CYB561D2: variants seen among roughly 807,000 people sequenced by gnomAD.
CYB561D2 encodes the protein transmembrane reductase CYB561D2.
A neutral mutation model predicts 20.2 loss-of-function variants in CYB561D2; 16 were observed. The observed-to-expected ratio is 0.79, with a 90% CI of 0.53 to 1.20. CYB561D2 has a LOEUF of 1.20. CYB561D2 is among the 50% of genes most tolerant of loss of function. CYB561D2 has a pLI of 0.00. For missense variants in CYB561D2, 247 were observed against 270.3 expected, an observed-to-expected ratio of 0.91 and a Z score of 0.60; for synonymous variants, 135 against 128.3, an observed-to-expected ratio of 1.05 and a Z score of -0.35.
intron 3 of CYB561D2, 106 bp downstream of exon 3, chr3:50,352,152 T>G: frequency 1.5e-6 from 2 of 1,356,324 alleles, no homozygotes; most frequent in East Asian, 2.4e-5. Flanking sequence ...TTTGGAAGAG[T>G]TGCATGCTCC....
In CYB561D2 at chr3:50,353,574, T is replaced by C; in HGVS notation, c.499T>C (p.Tyr167His). Residue 167 changes from tyrosine (Y) to histidine (H), a missense_variant, in exon 4 of 4, where the codon TAC becomes CAC. Coordinates refer to ENST00000425346, the MANE Select transcript of CYB561D2 (RefSeq NM_001291284.2). ...CCATGCTACTTCTGGGCTGGTGGGC[T>C]ACCTGCTGGGTAGTGCCAGCCTCTT... ...LYHATSGLVG[Y>H]LLGSASLLLG... 1 of 1,613,778 alleles carries C rather than the reference T, an allele frequency of 6.2e-7. No homozygotes were observed. Among genetic ancestry groups the C allele is most frequent in the East Asian group, 2.2e-5 (1 of 44,888 alleles).
At chr3:50,352,204 G>C (rs1703782863) in intron 3 of CYB561D2, among the ~76,000 whole-genome samples, 158 bp downstream of exon 3, 1 of 152,126 alleles carries the variant, frequency 6.6e-6, no homozygotes, top group Non-Finnish European at 1.5e-5. Flanking sequence ...CTTGAGGCTG[G>C]GCACGGTGGC....
chr3:50,352,183 T>G (rs587611006), intron 3 of CYB561D2, 137 bp downstream of exon 3: 1 of 1,095,334 alleles, frequency 9.1e-7, no homozygotes, highest in South Asian at 1.4e-5. Flanking sequence ...GCCCATGGTA[T>G]ATATTTCAGA....
chr3:50,353,247 T>C lies in CYB561D2; in HGVS notation c.172T>C (p.Phe58Leu). The C allele has an allele frequency of 1.9e-6, 3 of 1,559,658 alleles. No homozygotes were observed. Among genetic ancestry groups the C allele is most frequent in the South Asian group, 2.4e-5 (2 of 84,268 alleles). The change falls in exon 4 of 4, where the codon TTC (phenylalanine) becomes CTC (leucine). Residue 58 changes from phenylalanine (F) to leucine (L), a missense_variant. Physicochemically the swap from Phe to Leu is conservative, Grantham distance 22. Coordinates refer to ENST00000425346, the MANE Select transcript of CYB561D2 (RefSeq NM_001291284.2). ...CCATCCCCTGTTTCCTCAGTTCTCC[T>C]TCCTGATGACCGAGGCACTACTGGT... ...HPVLMSLAFS[F>L]LMTEALLVFS...
intron 3 of CYB561D2, among the ~76,000 whole-genome samples, chr3:50,352,298 G>A (rs1703785143): frequency 2.6e-5 from 4 of 151,890 alleles, no homozygotes. Context: ...GGCCAACATG[G>A]TGAAACCCCG....
Position 50,352,034 on chromosome 3 carries a change from T to A in CYB561D2, c.153T>A (p.Leu51=). 1.2e-6 allele frequency: 2 copies of A among 1,613,944 alleles called. No homozygotes were observed. Among genetic ancestry groups the A allele is most frequent in the Non-Finnish European group, 1.7e-6 (2 of 1,179,952 alleles). The part of the protein sequence containing the change: ...GSSLFSWHPV[L]MSLAFSFLMT... The stretch of plus-strand genomic sequence containing the variant: ...GCCTGTTCTCCTGGCACCCGGTGCT[T>A]ATGTCTTTGGCTGTAAGTAGTGGGC... The change falls in exon 3 of 4, where the codon CTT becomes CTA. Residue 51 remains leucine, a synonymous_variant. Coordinates refer to ENST00000425346, the MANE Select transcript of CYB561D2 (RefSeq NM_001291284.2).
At position 50,351,555 on chromosome 3, in the gene CYB561D2, G is replaced by T. The variant is rs1021848644; in HGVS notation, c.122G>T (p.Gly41Val). 2 of 1,612,482 alleles carry T rather than the reference G, an allele frequency of 1.2e-6. No individual in the cohort carries two copies. Among genetic ancestry groups the T allele is most frequent in the African/African-American group, 2.7e-5 (2 of 74,880 alleles). ...TTTGTGGCTGTGCTTGCCAGGCCTGGCTCCAGTAAGTAGAATTCATAGCTG... is the reference window on the plus strand; with the variant it reads ...TTTGTGGCTGTGCTTGCCAGGCCTGTCTCCAGTAAGTAGAATTCATAGCTG... ...TIFVAVLARP[G>V]SSLFSWHPVL... Residue 41 changes from glycine to valine, a missense_variant, in exon 2 of 4, where the codon GGC becomes GTC. Coordinates refer to ENST00000425346, the MANE Select transcript of CYB561D2 (RefSeq NM_001291284.2).
At chr3:50,351,886 G>A in intron 2 of CYB561D2, 123 bp from the exon 3 acceptor site, 12 of 1,180,978 alleles carry the variant, frequency 1.0e-5, no homozygotes, top group Middle Eastern at 4.6e-4. Flanking sequence ...AGAGCAAGAA[G>A]GGGCTCACAG....
chr3:50,352,072 T>C (rs1194972090), intron 3 of CYB561D2, 26 bp downstream of exon 3: 1 of 1,613,446 alleles, frequency 6.2e-7, no homozygotes, highest in South Asian at 1.1e-5. Context: ...GGGCAGTTCT[T>C]AGGGGTGGGA....
Position 50,353,326 on chromosome 3 carries a change from G to A in CYB561D2, c.251G>A (p.Arg84His), listed in dbSNP as rs779823879. 17 of 1,610,560 alleles carry A rather than the reference G, an allele frequency of 1.1e-5. No individual in the cohort carries two copies. The highest frequency in any genetic ancestry group is 7.7e-5 in the South Asian group (7 of 91,012). The change falls in exon 4 of 4, where the codon CGC (arginine) becomes CAC (histidine). Residue 84 changes from arginine to histidine, a missense_variant. Physicochemically the swap from Arg to His is conservative, Grantham distance 29. Coordinates refer to ENST00000425346, the MANE Select transcript of CYB561D2 (RefSeq NM_001291284.2). ...LHSLSRKGRA[R>H]CHWVLQLLAL... ...TCCCTCTCACGGAAAGGCCGAGCAC[G>A]CTGCCACTGGGTGCTGCAGCTGCTG...
intron 3 of CYB561D2, among the ~76,000 whole-genome samples, chr3:50,352,510 C>T (rs935630459): frequency 7.3e-6 from 1 of 137,866 alleles, no homozygotes; most frequent in African/African-American, 2.7e-5. Flanking sequence ...AACCCAAAAA[C>T]AAAAAAACCC....
chr3:50,353,858 T>G lies in CYB561D2; in HGVS notation c.*114T>G, dbSNP rs1575567894. 35 of 1,309,446 alleles carry G rather than the reference T, an allele frequency of 2.7e-5. 2 individuals carry two copies. In the South Asian group the frequency reaches 5.2e-4, roughly 19 times the overall value. 81.1% of individuals were successfully genotyped at this position (1,309,446 alleles called of 1,614,324 possible). A position where few individuals can be genotyped will look rare whatever the true frequency, so the allele number is the denominator to read the frequency against. On this transcript the variant is annotated 3_prime_UTR_variant, in exon 4 of 4. Coordinates refer to ENST00000425346, the MANE Select transcript of CYB561D2 (RefSeq NM_001291284.2). ...GGGACACCTCAGGCACTGGGACAGT[T>G]GGGCATTTGGAGGCCCGTGTGTGAA...
Position 50,353,374 on chromosome 3 carries a change from GC to G in CYB561D2, c.301del (p.Leu101SerfsTer107). The G allele has an allele frequency of 6.2e-7, 1 of 1,613,440 alleles. No homozygotes were observed. Among genetic ancestry groups the G allele is most frequent in the Non-Finnish European group, 8.5e-7 (1 of 1,180,024 alleles). On this transcript the variant is annotated frameshift_variant, in exon 4 of 4. Coordinates refer to ENST00000425346, the MANE Select transcript of CYB561D2 (RefSeq NM_001291284.2). LOFTEE classifies it high-confidence loss of function. ...QLLALLCALL[G>X]LGLVILHKEQ... ...CTGGCCCTGCTGTGTGCACTGCTGGGCCTCGGCCTTGTCATCCTCCACAAAG... is the reference window on the plus strand; with the variant it reads ...CTGGCCCTGCTGTGTGCACTGCTGGGCTCGGCCTTGTCATCCTCCACAAAG...
At chr3:50,353,217 G>C (rs758162990) in intron 3 of CYB561D2, 24 bp from the exon 4 acceptor site, 5 of 1,535,690 alleles carry the variant, frequency 3.3e-6, no homozygotes, top group Middle Eastern at 1.8e-4. Flanking sequence ...CCTCACTTGA[G>C]CTTCCCATCC....
chr3:50,353,095 C>T (rs1191229744), intron 3 of CYB561D2, 146 bp from the exon 4 acceptor site: 4 of 1,229,010 alleles, frequency 3.3e-6, no homozygotes, highest in Admixed American at 2.4e-5. Context: ...ACTCTTGCCC[C>T]ACCAAATGGA....
Position 50,353,762 on chromosome 3 carries a change from G to A in CYB561D2, c.*18G>A, listed in dbSNP as rs983916506. On this transcript the variant is annotated 3_prime_UTR_variant, in exon 4 of 4. Coordinates refer to ENST00000425346, the MANE Select transcript of CYB561D2 (RefSeq NM_001291284.2). ...AACCATGAGCTCTTCCCAGCCTAGG[G>A]GAAGCCTGGATTTGCCCCTCCATGT... The A allele has an allele frequency of 1.3e-6, 2 of 1,569,568 alleles. No individual in the cohort carries two copies. Among genetic ancestry groups the A allele is most frequent in the East Asian group, 2.3e-5 (1 of 44,258 alleles).
rs778727660 is a variant in CYB561D2, at chr3:50,351,610, T to G, written c.127+50T>G. 1.5e-5 allele frequency: 23 copies of G among 1,585,226 alleles called. No homozygotes were observed. The African/African-American group carries it at 2.3e-4, about 16-fold the overall frequency. ...CTGGGAAGGGAAGGGCCACTGTTCC[T>G]GGGGAGGAAGGGCAGTGGGACTTCC... On this transcript the variant is annotated intron_variant, in intron 2 of 3. Coordinates refer to ENST00000425346, the MANE Select transcript of CYB561D2 (RefSeq NM_001291284.2).
intron 3 of CYB561D2, among the ~76,000 whole-genome samples, chr3:50,352,463 G>C (rs1193986282): frequency 6.7e-6 from 1 of 149,292 alleles, no homozygotes; most frequent in Admixed American, 6.6e-5. Context: ...CTCTAACCTA[G>C]GCGACAGAGC....
intron 3 of CYB561D2, among the ~76,000 whole-genome samples, chr3:50,352,572 G>C (rs908741403): frequency 6.7e-6 from 1 of 149,634 alleles, no homozygotes; most frequent in Non-Finnish European, 1.5e-5. Flanking sequence ...TGTAATCCCA[G>C]TTACTCAGGA....
Sources: allele counts gnomAD v4.1 joint callset (sites outside exome capture counted in the v4.1 genomes callset), GRCh38; gene constraint gnomAD v4.1.1; transcripts MANE v1.5; gene names NCBI Gene and HGNC (gene_info 2026-07-23, HGNC 2026-07-21).